Variants in LUC7L observed in about 807,000 individuals in gnomAD.
LUC7L encodes the protein putative RNA-binding protein Luc7-like 1.
In LUC7L, 29 loss-of-function variants were observed where a neutral mutation model predicts 51.1. The ratio of observed to expected loss-of-function variants is 0.57; its 90% CI spans 0.42 to 0.77. The LOEUF is 0.77. Ranked by LOEUF, LUC7L falls within the 30% of genes least tolerant of loss-of-function variation. The probability of loss-of-function intolerance (pLI) is 0.00; values close to 1 mark genes in which losing one functional copy is unlikely to be tolerated. For missense variants in LUC7L, 403 were observed against 511.9 expected (o/e 0.79, Z 2.05); for synonymous variants, 181 against 180.7 (o/e 1.00, Z -0.01).
At chr16:226,170 T>C (rs2050127677) in intron 2 of LUC7L, among the ~76,000 whole-genome samples, 1 of 152,236 alleles carries the variant, frequency 6.6e-6, no homozygotes, top group Non-Finnish European at 1.5e-5. Context: ...TCGCATTTGC[T>C]GTCAGAAAAC....
chr16:227,790 G>C lies in LUC7L; in HGVS notation c.62-454C>G, dbSNP rs564718116. On this transcript the variant is annotated intron_variant, in intron 1 of 9. Coordinates refer to ENST00000293872, the MANE Select transcript of LUC7L (RefSeq NM_201412.3). Reference sequence around the variant, plus strand: ...CAGAGGCAGTATTTTGCCCAAAATTGAATGAAGAAGAAAGCTTTCAAACTC... The same window carrying C: ...CAGAGGCAGTATTTTGCCCAAAATTCAATGAAGAAGAAAGCTTTCAAACTC... The C allele has an allele frequency of 2.0e-4, 195 of 998,564 alleles. 1 individual carries two copies. The African/African-American group carries it at 3.1e-3, about 16-fold the overall frequency. The allele number at this position is 998,564 out of a possible 1,614,324, so 61.9% of individuals were successfully genotyped here.
At position 229,431 on chromosome 16, in the gene LUC7L, C is replaced by G. The variant is rs889638494; in HGVS notation, c.-92G>C. 90 of 1,162,902 alleles carry G rather than the reference C, an allele frequency of 7.7e-5. No individual in the cohort carries two copies. Among genetic ancestry groups the G allele is most frequent in the Admixed American group, 7.2e-4 (22 of 30,754 alleles). The allele number at this position is 1,162,902 out of a possible 1,614,324, so 72.0% of individuals were successfully genotyped here. On this transcript the variant is annotated 5_prime_UTR_variant, in exon 1 of 10. Transcript: ENST00000293872. ...CGACAAACGATGGTCGCGTCGGCCT[C>G]GAGCCCACTCGGCTCTTTCCCGCCG...
At chr16:206,209 A>AC in intron 4 of LUC7L, 62 bp from the exon 5 acceptor site, 1 of 1,522,728 alleles carries the variant, frequency 6.6e-7, no homozygotes, top group Non-Finnish European at 9.0e-7. Context: ...CAAAGGCAAC[A>AC]AGGGTTTCTC....
rs557429478 is a variant in LUC7L at position 201,964 on chromosome 16, G to A, written c.511-2726C>T. Among the ~76,000 whole-genome samples, 59 of 151,370 alleles carry A rather than the reference G, an allele frequency of 3.9e-4. 1 individual carries two copies. Among genetic ancestry groups the A allele is most frequent in the South Asian group, 1.5e-3 (7 of 4,758 alleles). On this transcript the variant is annotated intron_variant, in intron 5 of 9. Transcript: ENST00000293872. ...TCACCAAGTTGGCCAGGCTGGTCTC[G>A]AACTCCTGACCTCAGGTGATGCACC...
intron 3 of LUC7L, among the ~76,000 whole-genome samples, chr16:214,586 G>A (rs2049734929): frequency 6.6e-6 from 1 of 152,156 alleles, no homozygotes; most frequent in African/African-American, 2.4e-5. Context: ...GAGCACAGTG[G>A]TGCAAGCACA....
In LUC7L at chr16:193,788, C is replaced by T. The variant is rs574928871; in HGVS notation, c.688-773G>A. Among the ~76,000 whole-genome samples the T allele has an allele frequency of 1.7e-3, 259 of 149,714 alleles. 5 individuals carry two copies. Among genetic ancestry groups the T allele is most frequent in the African/African-American group, 6.1e-3 (249 of 40,758 alleles). ...AATTACAGGCGTGAGGCACTGCACC[C>T]GGCCTCGTTTACATTTACTTTTTTT... On this transcript the variant is annotated intron_variant, in intron 6 of 9. Transcript: ENST00000293872.
At chr16:208,328 C>T in intron 3 of LUC7L, 140 bp from the exon 4 acceptor site, 2 of 619,288 alleles carry the variant, frequency 3.2e-6, no homozygotes, top group Non-Finnish European at 5.6e-6. Flanking sequence ...TTAAACTACA[C>T]TACCACTAAC....
intron 1 of LUC7L, chr16:229,035 AAGG>A (rs1222391164): frequency 2.1e-6 from 3 of 1,425,126 alleles, no homozygotes; most frequent in Non-Finnish European, 2.7e-6. Flanking sequence ...GGTACATAGG[AAGG>A]AGGCTGAAGC....
intron 6 of LUC7L, among the ~76,000 whole-genome samples, chr16:198,143 G>C (rs924534913): frequency 8.6e-5 from 13 of 151,818 alleles, no homozygotes; most frequent in Non-Finnish European, 1.3e-4. Context: ...GCCGGGCGTG[G>C]TGGCAGGCAC....
chr16:203,844 A>C (rs1264354059), intron 5 of LUC7L, among the ~76,000 whole-genome samples: 2 of 151,786 alleles, frequency 1.3e-5, no homozygotes, highest in South Asian at 2.1e-4. Context: ...GTTAAATCAT[A>C]TCTCTACTAA....
At chr16:216,740 C>T (rs567481380) in intron 3 of LUC7L, among the ~76,000 whole-genome samples, 3 of 152,090 alleles carry the variant, frequency 2.0e-5, no homozygotes, top group Non-Finnish European at 4.4e-5. Context: ...GTGGGAGATG[C>T]GGGTAGTTTT....
At chr16:196,684 T>C (rs1368506032) in intron 6 of LUC7L, among the ~76,000 whole-genome samples, 2 of 151,644 alleles carry the variant, frequency 1.3e-5, no homozygotes, top group Admixed American at 6.6e-5. Flanking sequence ...TGTACCACCA[T>C]GCCCAGCTAA....
chr16:202,185 A>T (rs1032096799), intron 5 of LUC7L, among the ~76,000 whole-genome samples: 30 of 152,056 alleles, frequency 2.0e-4, no homozygotes, highest in African/African-American at 5.8e-4. Flanking sequence ...CACCCTCCAT[A>T]AGCTTTTACG....
chr16:213,499 A>C (rs2049701835), intron 3 of LUC7L, among the ~76,000 whole-genome samples: 1 of 152,150 alleles, frequency 6.6e-6, no homozygotes, highest in African/African-American at 2.4e-5. Flanking sequence ...TCCCAGGCTC[A>C]AGCAATTCCC....
chr16:206,291 T>C (rs1332590189), intron 4 of LUC7L, 144 bp from the exon 5 acceptor site: 6 of 758,458 alleles, frequency 7.9e-6, no homozygotes, highest in African/African-American at 1.8e-5. Context: ...GCATCCTTAC[T>C]GCCAGCATTG....
intron 3 of LUC7L, among the ~76,000 whole-genome samples, chr16:217,139 C>G (rs1738513300): frequency 6.6e-6 from 1 of 152,098 alleles, no homozygotes; most frequent in Admixed American, 6.6e-5. Context: ...GCCTCAGTCT[C>G]CCGAGTAGTT....
intron 6 of LUC7L, among the ~76,000 whole-genome samples, chr16:193,745 G>A (rs541648952): frequency 1.8e-4 from 28 of 151,574 alleles, no homozygotes; most frequent in African/African-American, 4.1e-4. Flanking sequence ...TGCCTGCCTC[G>A]GCCTCCCAAA....
intron 5 of LUC7L, among the ~76,000 whole-genome samples, chr16:204,181 C>T (rs1220840303): frequency 8.5e-5 from 13 of 152,074 alleles, no homozygotes; most frequent in African/African-American, 1.2e-4. Flanking sequence ...AAGTGGCTCA[C>T]GCCTGTGATC....
At chr16:220,573 G>T in intron 3 of LUC7L, 76 bp downstream of exon 3, 2 of 1,079,394 alleles carry the variant, frequency 1.9e-6, no homozygotes, top group African/African-American at 1.6e-5. Flanking sequence ...CATAACTTAC[G>T]TATGTTACAT....
Sources: allele counts gnomAD v4.1 joint callset (sites outside exome capture counted in the v4.1 genomes callset), GRCh38; gene constraint gnomAD v4.1.1; transcripts MANE v1.5; gene names NCBI Gene and HGNC (gene_info 2026-07-23, HGNC 2026-07-21).